GMPPA: variants seen among roughly 807,000 people sequenced by gnomAD.
GMPPA encodes the protein mannose-1-phosphate guanylyltransferase regulatory subunit alpha.
Under a neutral mutation model 58.6 loss-of-function variants are expected in GMPPA, and 46 were observed. The ratio of observed to expected loss-of-function variants is 0.78; its 90% CI spans 0.62 to 1.00. GMPPA has a LOEUF of 1.00. Among genes scored for constraint, GMPPA ranks in the 50% least tolerant of loss-of-function variants. The pLI, the probability that GMPPA is intolerant of heterozygous loss-of-function variation, is 0.00. For missense variants in GMPPA, 468 were observed against 556.4 expected, an observed-to-expected ratio of 0.84 and a Z score of 1.60; for synonymous variants, 211 against 214.9, an observed-to-expected ratio of 0.98 and a Z score of 0.16.
intron 10 of GMPPA, 93 bp downstream of exon 10, chr2:219,505,854 C>T (rs953956742): frequency 6.9e-6 from 8 of 1,161,870 alleles, no homozygotes; most frequent in African/African-American, 3.1e-5. Context: ...CCGGTTTCTT[C>T]ACTTTGTCAC....
chr2:219,500,716 G>A (rs548219013), intron 3 of GMPPA: 21 of 173,290 alleles, frequency 1.2e-4, no homozygotes, highest in African/African-American at 5.0e-4. Flanking sequence ...GTTGGGTGGT[G>A]AAGCTTAGAA....
chr2:219,505,624 T>C lies in GMPPA; in HGVS notation c.853+69T>C, dbSNP rs569722184. ...GCCCTCTGAACCAGGATTCTTGACC[T>C]CGAGTCCAGAGTTAAAGCCTCAATC... is the stretch of plus-strand genomic sequence containing the variant. On this transcript the variant is annotated intron_variant, in intron 9 of 12. Coordinates refer to ENST00000313597, the MANE Select transcript of GMPPA (RefSeq NM_013335.4). The C allele has an allele frequency of 3.0e-4, 468 of 1,579,086 alleles. 1 individual carries two copies. Among genetic ancestry groups the C allele is most frequent in the Non-Finnish European group, 1.4e-5 (16 of 1,150,102 alleles).
Position 219,506,001 on chromosome 2 carries a change from G to T in GMPPA, c.922G>T (p.Gly308Trp). The T allele has an allele frequency of 6.3e-7, 1 of 1,590,814 alleles. No homozygotes were observed. The highest frequency in any genetic ancestry group is 8.6e-7 in the Non-Finnish European group (1 of 1,166,456). The change falls in exon 11 of 13, where the codon GGG becomes TGG. Residue 308 changes from glycine (G) to tryptophan (W), a missense_variant. Gly to Trp is a radical substitution (Grantham distance 184). Coordinates refer to ENST00000313597, the MANE Select transcript of GMPPA (RefSeq NM_013335.4). ...SAVLGPNVSI[G>W]KGVTVGEGVR... ...ACAGCTGGGCCCCAACGTCTCCATC[G>T]GGAAGGGGGTGACCGTGGGTGAGGG...
chr2:219,500,229 G>T lies in GMPPA; in HGVS notation c.138+11G>T. ...GAAGCCTGTGCCCAGGTAACCTCAG[G>T]GGCTCCCCTCTCTCACCTCACTTCC... On this transcript the variant is annotated intron_variant, in intron 3 of 12. Transcript: ENST00000313597. 6.9e-7 allele frequency: 1 copy of T among 1,451,162 alleles called. No individual in the cohort carries two copies. Among genetic ancestry groups the T allele is most frequent in the South Asian group, 1.2e-5 (1 of 82,946 alleles). 89.9% of individuals were successfully genotyped at this position (1,451,162 alleles called of 1,614,324 possible).
rs199889769 is a variant in GMPPA, at chr2:219,501,605, G to T, written c.242+26G>T. On this transcript the variant is annotated intron_variant, in intron 4 of 12. Transcript: ENST00000313597. ...GTGTTTGTGCACACACTCGTATATG[G>T]GGGGGTGGGGATGCCCTAGGCCTCT... 837 of 1,394,288 alleles carry T rather than the reference G, an allele frequency of 6.0e-4. 3 individuals carry two copies. The African/African-American group carries it at 0.01, about 17-fold the overall frequency. The allele number at this position is 1,394,288 out of a possible 1,614,324, so 86.4% of individuals were successfully genotyped here.
rs1254014566 is a variant in GMPPA at position 219,506,977 on chromosome 2, C to T, written c.*179C>T. The T allele has an allele frequency of 9.9e-6, 6 of 604,750 alleles. No individual in the cohort carries two copies. The highest frequency in any genetic ancestry group is 1.2e-5 in the Non-Finnish European group (4 of 338,324). The allele number at this position is 604,750 out of a possible 1,614,324, so 37.5% of individuals were successfully genotyped here. On this transcript the variant is annotated 3_prime_UTR_variant, in exon 13 of 13. Coordinates refer to ENST00000313597, the MANE Select transcript of GMPPA (RefSeq NM_013335.4). ...TCCCTCCCGACTCCCTAATAAACCC[C>T]GTGAACCTTGGAGCCAGCACAGACT...
At chr2:219,500,294 A>G in intron 3 of GMPPA, 76 bp downstream of exon 3, 1 of 819,416 alleles carries the variant, frequency 1.2e-6, no homozygotes, top group South Asian at 1.4e-5. Context: ...CCAACCATGA[A>G]CTCTTCCCAC....
chr2:219,506,455 C>T (rs769297098), intron 12 of GMPPA, 33 bp downstream of exon 12: 1 of 1,591,612 alleles, frequency 6.3e-7, no homozygotes, highest in South Asian at 1.1e-5. Flanking sequence ...GCTGGGGGAA[C>T]CCCTCAGCTG....
At chr2:219,504,306 C>T in intron 7 of GMPPA, 93 bp downstream of exon 7, 1 of 1,201,826 alleles carries the variant, frequency 8.3e-7, no homozygotes, top group Non-Finnish European at 1.2e-6. Context: ...TCAACTTGCT[C>T]ACCTTCCTCC....
At chr2:219,505,835 T>A (rs997551736) in intron 10 of GMPPA, 74 bp downstream of exon 10, 2 of 1,280,242 alleles carry the variant, frequency 1.6e-6, no homozygotes, top group African/African-American at 2.9e-5. Context: ...GCTGCCTGAG[T>A]TCTGGGTGCC....
chr2:219,504,366 C>T, intron 7 of GMPPA, 153 bp downstream of exon 7: 1 of 675,610 alleles, frequency 1.5e-6, no homozygotes, highest in African/African-American at 1.8e-5. Flanking sequence ...TCCTGAGTCC[C>T]TCCCCTTCTA....
chr2:219,502,190 A>G lies in GMPPA; in HGVS notation c.429+153A>G, dbSNP rs2125630598. On this transcript the variant is annotated intron_variant, in intron 5 of 12. Coordinates refer to ENST00000313597, the MANE Select transcript of GMPPA (RefSeq NM_013335.4). This position sits in a 1 kb window ranked among gnomAD's most constrained non-coding sequence, Gnocchi z 4.0. ...GCTGCTCTGGCAGCATGGAGGTGTT[A>G]GTGGAGACCCCGAGCCCTCTGGCTG... Among the ~76,000 whole-genome samples the G allele has an allele frequency of 6.6e-6, 1 of 152,226 alleles. No homozygotes were observed. The highest frequency in any genetic ancestry group is 2.1e-4 in the South Asian group (1 of 4,822).
chr2:219,506,172 C>T (rs1366968338), intron 11 of GMPPA, 82 bp from the exon 12 acceptor site: 6 of 1,490,214 alleles, frequency 4.0e-6, no homozygotes, highest in East Asian at 4.6e-5. Flanking sequence ...GCCGTGGGCT[C>T]TGCATCTGGC....
Position 219,502,160 on chromosome 2 carries a change from G to T in GMPPA, c.429+123G>T. The T allele has an allele frequency of 9.9e-7, 1 of 1,007,546 alleles. No homozygotes were observed. The highest frequency in any genetic ancestry group is 1.9e-5 in the Admixed American group (1 of 52,560). The allele number at this position is 1,007,546 out of a possible 1,614,324, so 62.4% of individuals were successfully genotyped here. A position where few individuals can be genotyped will look rare whatever the true frequency, so the allele number is the denominator to read the frequency against. On this transcript the variant is annotated intron_variant, in intron 5 of 12. Transcript: ENST00000313597. The surrounding 1 kb of genome is among the most constrained non-coding windows in gnomAD (Gnocchi z 4.0). ...GTGTGGGAGCTGGCGTCAGGAGGGA[G>T]ATGCGCTGCTCTGGCAGCATGGAGG...
Position 219,502,492 on chromosome 2 carries a change from C to T in GMPPA, c.489+51C>T. 1.4e-6 allele frequency: 2 copies of T among 1,441,742 alleles called. No homozygotes were observed. Among genetic ancestry groups the T allele is most frequent in the East Asian group, 2.3e-5 (1 of 43,730 alleles). The allele number at this position is 1,441,742 out of a possible 1,614,324, so 89.3% of individuals were successfully genotyped here. On this transcript the variant is annotated intron_variant, in intron 6 of 12. Transcript: ENST00000313597. The surrounding 1 kb of genome is among the most constrained non-coding windows in gnomAD (Gnocchi z 4.0). Reference sequence around the variant, plus strand: ...GGTGCCTACTCTGTGTCATCATCCCCTCTACCTCAGGCCTCTAGAGAATGC... The same window carrying T: ...GGTGCCTACTCTGTGTCATCATCCCTTCTACCTCAGGCCTCTAGAGAATGC...
rs1458004111 is a variant in GMPPA at position 219,505,498 on chromosome 2, C to T, written c.796C>T (p.Gln266Ter). ...YASRLYLSRY[Q>*]DTHPERLAKH... ...CTCCCGCCTCTACCTGAGCCGATACCAGGACACTCACCCAGAACGGCTGGC... is the reference window on the plus strand; with the variant it reads ...CTCCCGCCTCTACCTGAGCCGATACTAGGACACTCACCCAGAACGGCTGGC... Residue 266 changes from glutamine to a stop codon, truncating the protein, a stop_gained, in exon 9 of 13, where the codon CAG (glutamine) becomes TAG (stop). Transcript: ENST00000313597. LOFTEE classifies it high-confidence loss of function. The T allele has an allele frequency of 2.5e-6, 4 of 1,579,614 alleles. No individual in the cohort carries two copies. The highest frequency in any genetic ancestry group is 3.4e-6 in the Non-Finnish European group (4 of 1,162,676).
rs1276899293 is a variant in GMPPA, at chr2:219,502,083, A to G, written c.429+46A>G. The stretch of plus-strand genomic sequence containing the variant: ...GGAGGGTGTAGAGGAGGTGATCCCA[A>G]GAGCTTCCCGGAATTCAGGGTGTTG... On this transcript the variant is annotated intron_variant, in intron 5 of 12. Transcript: ENST00000313597. This position sits in a 1 kb window ranked among gnomAD's most constrained non-coding sequence, Gnocchi z 4.0. 6.3e-7 allele frequency: 1 copy of G among 1,590,740 alleles called. No individual in the cohort carries two copies. The highest frequency in any genetic ancestry group is 8.6e-7 in the Non-Finnish European group (1 of 1,163,012).
rs183317929 is a variant in GMPPA at position 219,506,327 on chromosome 2, C to T, written c.1067C>T (p.Thr356Ile). Residue 356 changes from threonine (T) to isoleucine (I), a missense_variant, in exon 12 of 13, where the codon ACC becomes ATC. Thr to Ile is a moderately conservative substitution (Grantham distance 89, BLOSUM62 -1). Transcript: ENST00000313597. ...GGACGCTGGGCCCGCGTGGAGGGTA[C>T]CCCCAGTGACCCTAACCCCAACGAT... ...TVGRWARVEG[T>I]PSDPNPNDPR... is the part of the protein sequence containing the mutation. 1 of 1,613,364 alleles carries T rather than the reference C, an allele frequency of 6.2e-7. No individual in the cohort carries two copies. The highest frequency in any genetic ancestry group is 8.5e-7 in the Non-Finnish European group (1 of 1,179,544).
intron 4 of GMPPA, 130 bp from the exon 5 acceptor site, chr2:219,501,721 G>A: frequency 1.1e-6 from 1 of 902,514 alleles, no homozygotes; most frequent in East Asian, 2.5e-5. Context: ...GAATCTCTGA[G>A]TATATAGAGT....
Sources: allele counts gnomAD v4.1 joint callset (sites outside exome capture counted in the v4.1 genomes callset), GRCh38; gene constraint gnomAD v4.1.1; non-coding constraint Gnocchi (gnomAD v3.1); transcripts MANE v1.5; gene names NCBI Gene and HGNC (gene_info 2026-07-23, HGNC 2026-07-21).